ARHGEF39: variants seen among roughly 807,000 people sequenced by gnomAD.
The protein encoded by ARHGEF39 is Rho guanine nucleotide exchange factor (GEF) 39.
Under a neutral mutation model 47.5 loss-of-function variants are expected in ARHGEF39, and 45 were observed. The ratio of observed to expected loss-of-function variants is 0.95; its 90% confidence interval spans 0.75 to 1.22. The LOEUF is 1.22. ARHGEF39 is among the 50% of genes most tolerant of loss of function. The probability of loss-of-function intolerance (pLI) is 0.00; values close to 1 mark genes in which losing one functional copy is unlikely to be tolerated. For synonymous variants in ARHGEF39, 164 were observed against 167.8 expected, an observed-to-expected ratio of 0.98 and a Z score of 0.17; for missense variants, 411 against 425.3, an observed-to-expected ratio of 0.97 and a Z score of 0.30.
chr9:35,660,334 C>G lies in ARHGEF39; in HGVS notation c.*1653G>C, dbSNP rs1823849387. ...AAATTGCACTCTCTCTTGGCTGGCT[C>G]TGGAGACTGAGGTGATGGAGCAGAA... On this transcript the variant is annotated 3_prime_UTR_variant, in exon 9 of 9. Transcript: ENST00000378387. 1.4e-6 allele frequency: 2 copies of G among 1,396,472 alleles called. No individual in the cohort carries two copies. The highest frequency in any genetic ancestry group is 1.4e-5 in the African/African-American group (1 of 69,352). 86.5% of individuals were successfully genotyped at this position (1,396,472 alleles called of 1,614,324 possible).
chr9:35,661,140 G>C lies in ARHGEF39; in HGVS notation c.*847C>G. On this transcript the variant is annotated 3_prime_UTR_variant, in exon 9 of 9. Transcript: ENST00000378387. Reference sequence around the variant, plus strand: ...CCCCAGTCACAGCCTTGGCTGGGAAGGAGGGACGACAGCTGAAGGTCGACT... The same window carrying C: ...CCCCAGTCACAGCCTTGGCTGGGAACGAGGGACGACAGCTGAAGGTCGACT... 1 of 1,611,956 alleles carries C rather than the reference G, an allele frequency of 6.2e-7. No individual in the cohort carries two copies. The highest frequency in any genetic ancestry group is 2.2e-5 in the East Asian group (1 of 44,842).
In ARHGEF39 at chr9:35,664,103, AC is replaced by A. The variant is rs758131289; in HGVS notation, c.377del (p.Gly126ValfsTer39). The A allele has an allele frequency of 4.3e-6, 7 of 1,614,060 alleles. No individual in the cohort carries two copies. The highest frequency in any genetic ancestry group is 5.9e-6 in the Non-Finnish European group (7 of 1,179,950). On this transcript the variant is annotated frameshift_variant, in exon 4 of 9. Transcript: ENST00000378387. LOFTEE classifies it high-confidence loss of function. ...CCTGAAGCCGTACAAACCTCCGGAA[AC>A]CTTTATTTTTCTTTAGCTGCTCCTG... ...TLQEQLKKNK[G>X]FRRFVRLQEG...
In ARHGEF39 at chr9:35,665,022, G is replaced by A; in HGVS notation, c.138+10C>T. ...TGTCCTATAATGGGAGCGTGTGCCA[G>A]GTCCCCCACCGTGGCCACCAGCCCC... On this transcript the variant is annotated intron_variant, in intron 1 of 8. Transcript: ENST00000378387. The A allele has an allele frequency of 6.5e-7, 1 of 1,548,640 alleles. No homozygotes were observed. The highest frequency in any genetic ancestry group is 8.7e-7 in the Non-Finnish European group (1 of 1,148,106).
rs2131818397 is a variant in ARHGEF39, at chr9:35,660,111, CT to C, written c.*1875del. On this transcript the variant is annotated 3_prime_UTR_variant, in exon 9 of 9. Coordinates refer to ENST00000378387, the MANE Select transcript of ARHGEF39 (RefSeq NM_032818.3). ...CCACCCACCTTGGCTTCCCGAAGTG[CT>C]GGGATTACAGGTGTGAGCCACAGCA... 3.8e-6 allele frequency: 1 copy of C among 261,424 alleles called. No individual in the cohort carries two copies. The highest frequency in any genetic ancestry group is 8.1e-5 in the East Asian group (1 of 12,370). 16.2% of individuals were successfully genotyped at this position (261,424 alleles called of 1,614,324 possible). A position where few individuals can be genotyped will look rare whatever the true frequency, so the allele number is the denominator to read the frequency against.
Position 35,660,627 on chromosome 9 carries a change from G to A in ARHGEF39, c.*1360C>T. The A allele has an allele frequency of 1.2e-6, 2 of 1,614,202 alleles. No homozygotes were observed. Among genetic ancestry groups the A allele is most frequent in the Non-Finnish European group, 1.7e-6 (2 of 1,180,044 alleles). Reference sequence around the variant, plus strand: ...AGCACCTGAACAACCTGATGGCCCAGCTGGACCCCCTTTTTGAGCGGTGAG... The same window carrying A: ...AGCACCTGAACAACCTGATGGCCCAACTGGACCCCCTTTTTGAGCGGTGAG... On this transcript the variant is annotated 3_prime_UTR_variant, in exon 9 of 9. Transcript: ENST00000378387.
Position 35,663,310 on chromosome 9 carries a change from G to T in ARHGEF39, c.544+12C>A. 6.2e-7 allele frequency: 1 copy of T among 1,613,838 alleles called. No individual in the cohort carries two copies. The highest frequency in any genetic ancestry group is 8.5e-7 in the Non-Finnish European group (1 of 1,179,710). Reference sequence around the variant, plus strand: ...AGCCTCCAGCCTGCGTTGCCGAGGAGCAAGAACCTACGTGTGAGCTGTTGA... The same window carrying T: ...AGCCTCCAGCCTGCGTTGCCGAGGATCAAGAACCTACGTGTGAGCTGTTGA... On this transcript the variant is annotated intron_variant, in intron 5 of 8. Transcript: ENST00000378387.
chr9:35,664,099 G>A lies in ARHGEF39; in HGVS notation c.382C>T (p.Arg128Trp), dbSNP rs775025214. 7 of 1,613,914 alleles carry A rather than the reference G, an allele frequency of 4.3e-6. No homozygotes were observed. The Admixed American group carries it at 5.0e-5, about 12-fold the overall frequency. ...CCTTCCTGAAGCCGTACAAACCTCCGGAAACCTTTATTTTTCTTTAGCTGC... is the reference window on the plus strand; with the variant it reads ...CCTTCCTGAAGCCGTACAAACCTCCAGAAACCTTTATTTTTCTTTAGCTGC... ...QEQLKKNKGFRRFVRLQEGRP... is the reference protein window; with the variant it reads ...QEQLKKNKGFWRFVRLQEGRP... Residue 128 changes from arginine to tryptophan, a missense_variant, in exon 4 of 9, where the codon CGG (arginine) becomes TGG (tryptophan). Arg to Trp is a moderately radical substitution (Grantham distance 101). Transcript: ENST00000378387.
chr9:35,661,044 T>C lies in ARHGEF39; in HGVS notation c.*943A>G. The C allele has an allele frequency of 6.2e-7, 1 of 1,614,072 alleles. No homozygotes were observed. Among genetic ancestry groups the C allele is most frequent in the Middle Eastern group, 1.6e-4 (1 of 6,062 alleles). On this transcript the variant is annotated 3_prime_UTR_variant, in exon 9 of 9. Transcript: ENST00000378387. ...GCCCACAAACTGGAGCACAGAGACA[T>C]GGAACCTAGCTACTTCCTGGGAGGT... is the stretch of plus-strand genomic sequence containing the variant.
At position 35,664,659 on chromosome 9, in the gene ARHGEF39, G is replaced by A. The variant is rs980709413; in HGVS notation, c.233+97C>T. ...CAAGGCCACAGGTGAGCTAACTGGC[G>A]GACTCCAAATAGAACCTAAGTCTGA... On this transcript the variant is annotated intron_variant, in intron 2 of 8. Coordinates refer to ENST00000378387, the MANE Select transcript of ARHGEF39 (RefSeq NM_032818.3). 2.1e-5 allele frequency: 31 copies of A among 1,481,560 alleles called. No homozygotes were observed. The Admixed American group carries it at 2.2e-4, about 10-fold the overall frequency. The allele number at this position is 1,481,560 out of a possible 1,614,324, so 91.8% of individuals were successfully genotyped here.
In ARHGEF39 at chr9:35,660,676, T is replaced by C. The variant is rs1263623023; in HGVS notation, c.*1311A>G. Reference sequence around the variant, plus strand: ...AGGAGAGCAATGATTCTGTGAATTTTTGGGGAATTTGTGGCAGGAGGGAGG... The same window carrying C: ...AGGAGAGCAATGATTCTGTGAATTTCTGGGGAATTTGTGGCAGGAGGGAGG... On this transcript the variant is annotated 3_prime_UTR_variant, in exon 9 of 9. Coordinates refer to ENST00000378387, the MANE Select transcript of ARHGEF39 (RefSeq NM_032818.3). 1 of 1,614,042 alleles carries C rather than the reference T, an allele frequency of 6.2e-7. No individual in the cohort carries two copies. The highest frequency in any genetic ancestry group is 1.7e-5 in the Admixed American group (1 of 60,016).
rs1194699439 is a variant in ARHGEF39 at position 35,661,407 on chromosome 9, T to G, written c.*580A>C. ...GTTCAGGGCCCAAAAATCCCTTTTCTCATAGCAAAACTGAGACAGAAGGGT... is the reference window on the plus strand; with the variant it reads ...GTTCAGGGCCCAAAAATCCCTTTTCGCATAGCAAAACTGAGACAGAAGGGT... On this transcript the variant is annotated 3_prime_UTR_variant, in exon 9 of 9. Transcript: ENST00000378387. 1 of 454,424 alleles carries G rather than the reference T, an allele frequency of 2.2e-6. No individual in the cohort carries two copies. Among genetic ancestry groups the G allele is most frequent in the African/African-American group, 2.0e-5 (1 of 49,536 alleles). 28.1% of individuals were successfully genotyped at this position (454,424 alleles called of 1,614,324 possible).
At chr9:35,663,506 C>G (rs1824084458) in intron 4 of ARHGEF39, 114 bp from the exon 5 acceptor site, 2 of 865,322 alleles carry the variant, frequency 2.3e-6, no homozygotes, top group Non-Finnish European at 3.7e-6. Flanking sequence ...GAAAGATCTG[C>G]TTCTGGCTAC....
In ARHGEF39 at chr9:35,661,691, A is replaced by G. The variant is rs556562071; in HGVS notation, c.*296T>C. 36 of 419,626 alleles carry G rather than the reference A, an allele frequency of 8.6e-5. No homozygotes were observed. Among genetic ancestry groups the G allele is most frequent in the Admixed American group, 2.8e-4 (7 of 25,430 alleles). The allele number at this position is 419,626 out of a possible 1,614,324, so 26.0% of individuals were successfully genotyped here. A position where few individuals can be genotyped will look rare whatever the true frequency, so the allele number is the denominator to read the frequency against. On this transcript the variant is annotated 3_prime_UTR_variant, in exon 9 of 9. Transcript: ENST00000378387. ...AAATTTCTTAATTATTTTTTCTTAAATAGAGACAGGGTCTCACTCACTGTG... is the reference window on the plus strand; with the variant it reads ...AAATTTCTTAATTATTTTTTCTTAAGTAGAGACAGGGTCTCACTCACTGTG...
At position 35,662,360 on chromosome 9, in the gene ARHGEF39, G is replaced by A. The variant is rs977691071; in HGVS notation, c.904-93C>T. On this transcript the variant is annotated intron_variant, in intron 7 of 8. Transcript: ENST00000378387. Reference sequence around the variant, plus strand: ...TTCCATGGAGCTAATTCAGGGATGAGACAATGACTAGGTATGAAGCCCGAG... The same window carrying A: ...TTCCATGGAGCTAATTCAGGGATGAAACAATGACTAGGTATGAAGCCCGAG... 2.0e-5 allele frequency: 28 copies of A among 1,428,184 alleles called. No individual in the cohort carries two copies. In the African/African-American group the frequency reaches 3.8e-4, roughly 19 times the overall value. The allele number at this position is 1,428,184 out of a possible 1,614,324, so 88.5% of individuals were successfully genotyped here.
chr9:35,662,644 C>G lies in ARHGEF39; in HGVS notation c.771G>C (p.Met257Ile). 1 of 1,612,992 alleles carries G rather than the reference C, an allele frequency of 6.2e-7. No homozygotes were observed. The highest frequency in any genetic ancestry group is 2.2e-5 in the East Asian group (1 of 44,840). Residue 257 changes from methionine (M) to isoleucine (I), a missense_variant, in exon 7 of 9, where the codon ATG (methionine) becomes ATC (isoleucine). Physicochemically the swap from Met to Ile is conservative, Grantham distance 10. Coordinates refer to ENST00000378387, the MANE Select transcript of ARHGEF39 (RefSeq NM_032818.3). Reference sequence around the variant, plus strand: ...GGTGCAGTGGAGGCCGAGGCTTGGCCATGAGGAGCACATCAGTGAAGAGGA... The same window carrying G: ...GGTGCAGTGGAGGCCGAGGCTTGGCGATGAGGAGCACATCAGTGAAGAGGA... ...MFFLFTDVLL[M>I]AKPRPPLHLL...
chr9:35,660,826 A>C lies in ARHGEF39; in HGVS notation c.*1161T>G, dbSNP rs752815799. On this transcript the variant is annotated 3_prime_UTR_variant, in exon 9 of 9. Coordinates refer to ENST00000378387, the MANE Select transcript of ARHGEF39 (RefSeq NM_032818.3). ...ATCCACGAGCTGCTGCAAGATAGCA[A>C]GCCGGACAAGGATATGGAGGCTTCA... 1 of 1,614,210 alleles carries C rather than the reference A, an allele frequency of 6.2e-7. No homozygotes were observed. The highest frequency in any genetic ancestry group is 2.2e-5 in the East Asian group (1 of 44,888).
At position 35,660,461 on chromosome 9, in the gene ARHGEF39, G is replaced by A. The variant is rs1280038339; in HGVS notation, c.*1526C>T. On this transcript the variant is annotated 3_prime_UTR_variant, in exon 9 of 9. Coordinates refer to ENST00000378387, the MANE Select transcript of ARHGEF39 (RefSeq NM_032818.3). ...AAGCAAGCAGCAGCCACTGCAGTCAGGTGGGTTTAGCAGAAGTCTGTGCTG... is the reference window on the plus strand; with the variant it reads ...AAGCAAGCAGCAGCCACTGCAGTCAAGTGGGTTTAGCAGAAGTCTGTGCTG... 1 of 1,613,304 alleles carries A rather than the reference G, an allele frequency of 6.2e-7. No homozygotes were observed.
chr9:35,662,731 G>T lies in ARHGEF39; in HGVS notation c.684C>A (p.Phe228Leu), dbSNP rs1824025597. ...CCACTAACAGCCAGCCCTGGCGTAG[G>T]AACCAGCGCCCTGGGGGATGGGAGC... ...QAKGLTSGRW[F>L]LRQGWLLVVP... Residue 228 changes from phenylalanine (F) to leucine (L), a missense_variant, in exon 7 of 9, where the codon TTC (phenylalanine) becomes TTA (leucine). Transcript: ENST00000378387. 1 of 1,560,248 alleles carries T rather than the reference G, an allele frequency of 6.4e-7. No individual in the cohort carries two copies. Among genetic ancestry groups the T allele is most frequent in the Admixed American group, 1.9e-5 (1 of 51,460 alleles).
rs57636255 is a variant in ARHGEF39 at position 35,662,644 on chromosome 9, C to T, written c.771G>A (p.Met257Ile). Residue 257 changes from methionine (M) to isoleucine (I), a missense_variant, in exon 7 of 9, where the codon ATG becomes ATA. Transcript: ENST00000378387. ...MFFLFTDVLL[M>I]AKPRPPLHLL... ...GGTGCAGTGGAGGCCGAGGCTTGGC[C>T]ATGAGGAGCACATCAGTGAAGAGGA... 1.9e-6 allele frequency: 3 copies of T among 1,612,992 alleles called. No individual in the cohort carries two copies. Among genetic ancestry groups the T allele is most frequent in the African/African-American group, 2.7e-5 (2 of 74,980 alleles).
Sources: gnomAD v4.1 joint callset for allele counts on GRCh38, gnomAD v4.1.1 for gene constraint, MANE v1.5 for transcripts, NCBI Gene and HGNC (gene_info 2026-07-23, HGNC 2026-07-21) for gene names.